The following STX2 variants were observed in gnomAD, a reference collection of about 807,000 sequenced individuals.
STX2 encodes the protein syntaxin-2.
Under a neutral mutation model 40.6 loss-of-function variants are expected in STX2, and 27 were observed. That is an observed-to-expected ratio of 0.66 (90% CI 0.49 to 0.92). The LOEUF is 0.92. Ranked by LOEUF, STX2 falls within the 40% of genes least tolerant of loss-of-function variation. The probability of loss-of-function intolerance (pLI) is 0.00; values close to 1 mark genes in which losing one functional copy is unlikely to be tolerated. For synonymous variants in STX2, 123 were observed against 119.1 expected (o/e 1.03, Z -0.22); for missense variants, 328 against 366.1 (o/e 0.90, Z 0.85).
At position 130,791,872 on chromosome 12, in the gene STX2, A is replaced by G. The variant is rs768615513; in HGVS notation, c.*151T>C. 1.3e-6 allele frequency: 2 copies of G among 1,598,986 alleles called. No homozygotes were observed. The highest frequency in any genetic ancestry group is 1.3e-5 in the African/African-American group (1 of 74,576). On this transcript the variant is annotated 3_prime_UTR_variant, in exon 11 of 11. Transcript: ENST00000392373. ...GGTTGCAGATGTGGTCTGAGTCTCA[A>G]GGATAAATGGCTCTTGGGATATGGT... is the stretch of plus-strand genomic sequence containing the variant.
rs73457318 is a variant in STX2, at chr12:130,828,548, C to A, written c.31-1281G>T. On this transcript the variant is annotated intron_variant, in intron 1 of 10. Coordinates refer to ENST00000392373, the MANE Select transcript of STX2 (RefSeq NM_194356.4). ...AGCCACTTCGCCCAGCCTGTACACT[C>A]GTAATTCTAAGCAAAGCAGCACTTC... is the stretch of plus-strand genomic sequence containing the variant. Among the ~76,000 whole-genome samples the A allele has an allele frequency of 4.4e-3, 671 of 151,802 alleles. 10 individuals carry two copies. Among genetic ancestry groups the A allele is most frequent in the African/African-American group, 0.016 (648 of 41,434 alleles).
At chr12:130,802,346 C>A (rs1390859835) in intron 6 of STX2, among the ~76,000 whole-genome samples, 4 of 152,142 alleles carry the variant, frequency 2.6e-5, no homozygotes, top group Admixed American at 6.5e-5. Flanking sequence ...TACACGCGTG[C>A]GTCACCACGC....
In STX2 at chr12:130,807,005, C is replaced by T. The variant is rs762131427; in HGVS notation, c.440G>A (p.Arg147His). The T allele has an allele frequency of 5.0e-6, 8 of 1,614,058 alleles. No individual in the cohort carries two copies. The highest frequency in any genetic ancestry group is 1.3e-5 in the African/African-American group (1 of 74,942). The change falls in exon 6 of 11, where the codon CGC (arginine) becomes CAC (histidine). Residue 147 changes from arginine to histidine, a missense_variant. Transcript: ENST00000392373. ...ACTTATCTCCAGCTGGCGCTGGATG[C>T]GGCCTTTGCTCCGCTCCCGAAACAG... is the stretch of plus-strand genomic sequence containing the variant. ...QTLFRERSKG[R>H]IQRQLEITGR...
chr12:130,798,174 G>A (rs1376844208), intron 9 of STX2, among the ~76,000 whole-genome samples: 1 of 151,778 alleles, frequency 6.6e-6, no homozygotes, highest in Non-Finnish European at 1.5e-5. Flanking sequence ...TTGAACCCGG[G>A]AGGTGGAGGT....
chr12:130,798,829 A>C (rs1474452828), intron 8 of STX2, among the ~76,000 whole-genome samples, 194 bp from the exon 9 acceptor site: 1 of 152,214 alleles, frequency 6.6e-6, no homozygotes, highest in Non-Finnish European at 1.5e-5. Context: ...ATCAAAACTC[A>C]ATTTATATTT....
At chr12:130,818,185 A>AAAAAAAAAAAATATATATAT in intron 3 of STX2, among the ~76,000 whole-genome samples, 15 of 70,534 alleles carry the variant, frequency 2.1e-4, no homozygotes, top group Non-Finnish European at 3.2e-4. Flanking sequence ...AAAAAAAAAA[A>AAAAAAAAAAAATATATATAT]ATATATATAT....
chr12:130,803,979 ATGTGCC>A lies in STX2; in HGVS notation c.464-2497_464-2492del, dbSNP rs1446460239. On this transcript the variant is annotated intron_variant, in intron 6 of 10. Transcript: ENST00000392373. ...CACATTTCACTGGAGAGCTGTGTGAATGTGCCTGATTACAGGGTGCAGTCCTAGACC... is the reference window on the plus strand; with the variant it reads ...CACATTTCACTGGAGAGCTGTGTGAATGATTACAGGGTGCAGTCCTAGACC... Among the ~76,000 whole-genome samples the A allele has an allele frequency of 4.6e-5, 7 of 152,332 alleles. No homozygotes were observed. In the East Asian group the frequency reaches 1.2e-3, roughly 25 times the overall value.
intron 1 of STX2, among the ~76,000 whole-genome samples, chr12:130,834,464 C>T (rs556165887): frequency 2.6e-5 from 4 of 151,804 alleles, no homozygotes; most frequent in African/African-American, 7.2e-5. Context: ...GGAGGAGGGG[C>T]GTATCAGTCC....
chr12:130,791,811 C>CT lies in STX2; in HGVS notation c.*211dup, dbSNP rs1425726514. ...AGCACTCGATGCCGGGTTACAGCGT[C>CT]TGAGATTCATTCACGAAATGACAGG... is the stretch of plus-strand genomic sequence containing the variant. On this transcript the variant is annotated 3_prime_UTR_variant, in exon 11 of 11. Transcript: ENST00000392373. The CT allele has an allele frequency of 8.5e-7, 1 of 1,175,380 alleles. No individual in the cohort carries two copies. Among genetic ancestry groups the CT allele is most frequent in the Non-Finnish European group, 1.3e-6 (1 of 788,294 alleles). 72.8% of individuals were successfully genotyped at this position (1,175,380 alleles called of 1,614,324 possible). A position where few individuals can be genotyped will look rare whatever the true frequency, so the allele number is the denominator to read the frequency against.
intron 2 of STX2, among the ~76,000 whole-genome samples, chr12:130,826,392 C>A (rs1490418556): frequency 1.3e-5 from 2 of 152,182 alleles, no homozygotes; most frequent in Non-Finnish European, 2.9e-5. Context: ...GCAGGACCTC[C>A]AAAAGGCAGC....
intron 9 of STX2, among the ~76,000 whole-genome samples, chr12:130,797,127 CA>C (rs1043448919): frequency 2.0e-5 from 3 of 152,214 alleles, no homozygotes; most frequent in Non-Finnish European, 4.4e-5. Flanking sequence ...GCACAGACCC[CA>C]AGCACCTCAC....
At chr12:130,838,997 G>GCC in intron 1 of STX2, 73 bp downstream of exon 1, 1 of 585,856 alleles carries the variant, frequency 1.7e-6, no homozygotes, top group Non-Finnish European at 2.3e-6. Flanking sequence ...CGCCCAAGAC[G>GCC]CCCCGAGCCC....
intron 4 of STX2, chr12:130,812,297 T>C (rs1246345028): frequency 6.8e-6 from 3 of 440,918 alleles, no homozygotes; most frequent in Admixed American, 2.6e-5. Flanking sequence ...GCTTCTGTTT[T>C]TGAAATACAC....
Position 130,798,544 on chromosome 12 carries a change from TA to T in STX2, c.766del (p.Tyr256IlefsTer11). 18 of 1,603,738 alleles carry T rather than the reference TA, an allele frequency of 1.1e-5. No individual in the cohort carries two copies. The highest frequency in any genetic ancestry group is 1.5e-5 in the Non-Finnish European group (18 of 1,177,332). ...AKEETKKAIKYQSKARRKKWI... is the reference protein window; with the variant it reads ...AKEETKKAIKXQSKARRKKWI... ...ACTCACCCTTCTTGCCTTGCTCTGA[TA>T]TTTGATAGCTTTTTTTGTTTCTTCT... On this transcript the variant is annotated frameshift_variant, in exon 9 of 11. Coordinates refer to ENST00000392373, the MANE Select transcript of STX2 (RefSeq NM_194356.4). LOFTEE classifies it high-confidence loss of function.
chr12:130,791,627 A>G lies in STX2; in HGVS notation c.*396T>C. On this transcript the variant is annotated 3_prime_UTR_variant, in exon 11 of 11. Coordinates refer to ENST00000392373, the MANE Select transcript of STX2 (RefSeq NM_194356.4). ...AATATTTTTAATATTAAAATGTTCAATATTTTCTTATTTCAAGGCCAGTGA... is the reference window on the plus strand; with the variant it reads ...AATATTTTTAATATTAAAATGTTCAGTATTTTCTTATTTCAAGGCCAGTGA... The G allele has an allele frequency of 3.3e-6, 1 of 302,610 alleles. No individual in the cohort carries two copies. 18.7% of individuals were successfully genotyped at this position (302,610 alleles called of 1,614,324 possible).
intron 1 of STX2, among the ~76,000 whole-genome samples, chr12:130,833,525 C>T (rs536319077): frequency 2.0e-4 from 30 of 151,808 alleles, no homozygotes; most frequent in African/African-American, 6.5e-4. Flanking sequence ...ATTCTCTCAC[C>T]TCAGCTTCCC....
At chr12:130,838,487 C>G (rs1011885728) in intron 1 of STX2, among the ~76,000 whole-genome samples, 1 of 152,190 alleles carries the variant, frequency 6.6e-6, no homozygotes, top group Non-Finnish European at 1.5e-5. Flanking sequence ...CAGACACAAG[C>G]TGCTGTTCGC....
intron 1 of STX2, among the ~76,000 whole-genome samples, chr12:130,837,123 T>TA (rs1491524310): frequency 1.3e-5 from 2 of 148,538 alleles, no homozygotes; most frequent in African/African-American, 5.0e-5. Context: ...TTTTTTTTTT[T>TA]ATGAGACAAT....
intron 3 of STX2, among the ~76,000 whole-genome samples, chr12:130,816,395 C>T (rs1951860836): frequency 6.6e-6 from 1 of 151,110 alleles, no homozygotes; most frequent in Non-Finnish European, 1.5e-5. Flanking sequence ...ACGGAGTGAA[C>T]TTGCTGCCAC....
Sources: gnomAD v4.1 joint callset for allele counts (sites outside exome capture counted in the v4.1 genomes callset) on GRCh38, gnomAD v4.1.1 for gene constraint, MANE v1.5 for transcripts, NCBI Gene and HGNC (gene_info 2026-07-23, HGNC 2026-07-21) for gene names.